CELF2: variants seen among roughly 807,000 people sequenced by gnomAD.
CELF2 encodes the protein CUG triplet repeat RNA-binding protein 2.
CELF2 carries 8 observed loss-of-function variants against 62.6 expected under a neutral mutation model. That is an observed-to-expected ratio of 0.13 (90% CI 0.07 to 0.23). The LOEUF (loss-of-function observed/expected upper bound fraction) is 0.23, where lower values mean the gene tolerates loss of function less well. Ranked by LOEUF, CELF2 falls within the 10% of genes least tolerant of loss-of-function variation. The pLI is 1.00. For synonymous variants in CELF2, 258 were observed against 250.0 expected, an observed-to-expected ratio of 1.03 and a Z score of -0.30; for missense variants, 333 against 671.0, an observed-to-expected ratio of 0.50 and a Z score of 5.56.
the CELF2 span, among the ~76,000 whole-genome samples, chr10:10,708,357 C>CT: frequency 6.6e-6 from 1 of 152,162 alleles, no homozygotes; most frequent in Non-Finnish European, 1.5e-5. Context: ...TGAGATTCCA[C>CT]AGTGCTGAGA....
chr10:10,659,215 C>G, the CELF2 span, among the ~76,000 whole-genome samples: 22 of 152,278 alleles, frequency 1.4e-4, no homozygotes, highest in African/African-American at 4.3e-4. Flanking sequence ...CATAAAGAAA[C>G]AGGAGCATAT....
In CELF2 at chr10:11,217,933, A is replaced by G. The variant is rs1342254729; in HGVS notation, c.354+426A>G. ...AGGACAAAATGTACCCTTTACAGCC[A>G]TAATATTAAGCCTCCTAATGGTTTC... On this transcript the variant is annotated intron_variant, in intron 3 of 12. Coordinates refer to ENST00000633077, the MANE Select transcript of CELF2 (RefSeq NM_001326342.2). The surrounding 1 kb of genome is among the most constrained non-coding windows in gnomAD (Gnocchi z 5.6). 6.6e-6 allele frequency among the ~76,000 whole-genome samples: 1 copy of G among 152,254 alleles called. No individual in the cohort carries two copies. Among genetic ancestry groups the G allele is most frequent in the Non-Finnish European group, 1.5e-5 (1 of 68,048 alleles).
At chr10:10,676,388 A>T in the CELF2 span, among the ~76,000 whole-genome samples, 3 of 152,268 alleles carry the variant, frequency 2.0e-5, no homozygotes, top group South Asian at 6.2e-4. Context: ...AGCACATTAG[A>T]CCGTGGTTAA....
At chr10:11,103,378 T>C (rs1434854258) in intron 1 of CELF2, among the ~76,000 whole-genome samples, 1 of 152,060 alleles carries the variant, frequency 6.6e-6, no homozygotes, top group Non-Finnish European at 1.5e-5. Context: ...TATAGAAGCT[T>C]TTATTTTCAC....
chr10:10,704,358 A>T, the CELF2 span, among the ~76,000 whole-genome samples: 1 of 152,106 alleles, frequency 6.6e-6, no homozygotes, highest in Non-Finnish European at 1.5e-5. Flanking sequence ...TATAATGCAC[A>T]ATGGGGCTCT....
At chr10:10,877,622 G>T (rs2061189781) in intron 1 of CELF2, among the ~76,000 whole-genome samples, 2 of 152,182 alleles carry the variant, frequency 1.3e-5, no homozygotes, top group Non-Finnish European at 2.9e-5. Flanking sequence ...AGTGATTTGG[G>T]GGCCCTGAGA....
At chr10:10,788,550 C>T in the CELF2 span, among the ~76,000 whole-genome samples, 1 of 147,786 alleles carries the variant, frequency 6.8e-6, no homozygotes, top group Non-Finnish European at 1.5e-5. Flanking sequence ...GCAACCTCCA[C>T]CTCCCAGATT....
rs979001187 is a variant in CELF2 at position 11,224,496 on chromosome 10, G to A, written c.354+6989G>A. 2.6e-5 allele frequency among the ~76,000 whole-genome samples: 4 copies of A among 152,150 alleles called. No homozygotes were observed. Among genetic ancestry groups the A allele is most frequent in the South Asian group, 4.1e-4 (2 of 4,824 alleles). On this transcript the variant is annotated intron_variant, in intron 3 of 12. Transcript: ENST00000633077. This position sits in a 1 kb window ranked among gnomAD's most constrained non-coding sequence, Gnocchi z 4.5. ...CGTCGACCTTAGTTCCCAAAAGGTT[G>A]ATAGGATTTCAAAAGAAGATTGTGG...
At chr10:10,959,717 G>A (rs954775601) in intron 2 of CELF2, among the ~76,000 whole-genome samples, 2 of 152,186 alleles carry the variant, frequency 1.3e-5, no homozygotes, top group Non-Finnish European at 2.9e-5. Flanking sequence ...TGCAGAAGGT[G>A]CTGTCACCGT....
Position 11,303,447 on chromosome 10 carries a change from A to C in CELF2, c.977-10692A>C, listed in dbSNP as rs79969225. 5.1e-3 allele frequency among the ~76,000 whole-genome samples: 771 copies of C among 152,328 alleles called. 13 individuals are homozygous for C. Among genetic ancestry groups the C allele is most frequent in the South Asian group, 0.044 (213 of 4,824 alleles). ...GAATCTTCATTGCAAGTGCTGTAAA[A>C]TGAAGTGTAAAGATGCAGTTCCTCT... On this transcript the variant is annotated intron_variant, in intron 9 of 12. Transcript: ENST00000633077.
chr10:10,739,575 T>A, the CELF2 span, among the ~76,000 whole-genome samples: 1 of 152,178 alleles, frequency 6.6e-6, no homozygotes, highest in South Asian at 2.1e-4. Flanking sequence ...AGCTGGAAAA[T>A]TAACGTTCAT....
the CELF2 span, among the ~76,000 whole-genome samples, chr10:10,570,802 C>T: frequency 6.6e-6 from 1 of 151,976 alleles, no homozygotes; most frequent in Non-Finnish European, 1.5e-5. Context: ...GCTCAAGAAG[C>T]TTCAGCATAT....
chr10:11,275,887 C>G (rs1284113733), intron 8 of CELF2, among the ~76,000 whole-genome samples: 1 of 152,126 alleles, frequency 6.6e-6, no homozygotes, highest in Admixed American at 6.5e-5. Flanking sequence ...AACACAGGTG[C>G]CCATTAACCT....
At chr10:10,670,943 G>A in the CELF2 span, among the ~76,000 whole-genome samples, 38,866 of 151,874 alleles carry the variant, frequency 0.26, 5,267 homozygotes, top group South Asian at 0.43. Context: ...CTGAGCAGGT[G>A]GATCACTTGA....
the CELF2 span, among the ~76,000 whole-genome samples, chr10:10,600,769 T>C: frequency 6.6e-6 from 1 of 152,208 alleles, no homozygotes; most frequent in Non-Finnish European, 1.5e-5. Flanking sequence ...AATACATAAA[T>C]TAATGAGCAA....
At chr10:11,289,907 C>G (rs940323338) in intron 9 of CELF2, among the ~76,000 whole-genome samples, 1 of 152,158 alleles carries the variant, frequency 6.6e-6, no homozygotes, top group East Asian at 1.9e-4. Context: ...GAAAATTAGA[C>G]CCTCCCAACT....
chr10:11,252,044 T>A (rs1410832232), intron 4 of CELF2, among the ~76,000 whole-genome samples: 2 of 152,228 alleles, frequency 1.3e-5, no homozygotes, highest in Non-Finnish European at 2.9e-5. Context: ...AGTCCAAAAA[T>A]ATAAATGAGC....
In CELF2 at chr10:11,027,676, A is replaced by AT. The variant is rs572656354; in HGVS notation, c.74+9514dup. Reference sequence around the variant, plus strand: ...GTCGTAGAATGGAACCACTAGGGACATGGCTTCAGGGCCTCTCCCAGCACC... The same window carrying AT: ...GTCGTAGAATGGAACCACTAGGGACATTGGCTTCAGGGCCTCTCCCAGCACC... On this transcript the variant is annotated intron_variant, in intron 1 of 12. Transcript: ENST00000633077. Among the ~76,000 whole-genome samples, 29 of 152,326 alleles carry AT rather than the reference A, an allele frequency of 1.9e-4. No homozygotes were observed. In the South Asian group the frequency reaches 5.8e-3, roughly 30 times the overall value.
chr10:11,013,783 A>G (rs2056842638), upstream of CELF2, among the ~76,000 whole-genome samples: 1 of 152,234 alleles, frequency 6.6e-6, no homozygotes, highest in East Asian at 1.9e-4. This position sits in a 1 kb window ranked among gnomAD's most constrained non-coding sequence, Gnocchi z 4.1. Context: ...ATCATTTTAA[A>G]CTTATAATTG....
Sources: allele counts gnomAD v4.1 joint callset (sites outside exome capture counted in the v4.1 genomes callset), GRCh38; gene constraint gnomAD v4.1.1; non-coding constraint Gnocchi (gnomAD v3.1); transcripts MANE v1.5; gene names NCBI Gene and HGNC (gene_info 2026-07-23, HGNC 2026-07-21).